EPHA3: variants seen among roughly 807,000 people sequenced by gnomAD.
EPHA3 encodes EPH receptor A3.
Under a neutral mutation model 107.1 loss-of-function variants are expected in EPHA3, and 42 were observed. The observed-to-expected ratio is 0.39, with a 90% confidence interval of 0.31 to 0.51. The LOEUF (loss-of-function observed/expected upper bound fraction) is 0.51, where lower values mean the gene tolerates loss of function less well. Among genes scored for constraint, EPHA3 ranks in the 20% least tolerant of loss-of-function variants. The probability of loss-of-function intolerance (pLI) is 0.78; values close to 1 mark genes in which losing one functional copy is unlikely to be tolerated. For missense variants in EPHA3, 1,183 were observed against 1,211.2 expected, an observed-to-expected ratio of 0.98 and a Z score of 0.35; for synonymous variants, 461 against 424.8, an observed-to-expected ratio of 1.09 and a Z score of -1.05.
At chr3:89,139,597 T>C (rs1381000398) in intron 2 of EPHA3, among the ~76,000 whole-genome samples, 1 of 151,858 alleles carries the variant, frequency 6.6e-6, no homozygotes, top group East Asian at 1.9e-4. Context: ...AGCAAAATTT[T>C]ACTTTATTTA....
intron 2 of EPHA3, among the ~76,000 whole-genome samples, chr3:89,130,989 G>C (rs1031031232): frequency 1.2e-4 from 18 of 152,128 alleles, no homozygotes; most frequent in Admixed American, 1.3e-4. Context: ...CTTGTAGGGA[G>C]ATATGATACT....
intron 2 of EPHA3, among the ~76,000 whole-genome samples, chr3:89,173,864 AC>A (rs1705260509): frequency 6.6e-6 from 1 of 152,034 alleles, no homozygotes; most frequent in Non-Finnish European, 1.5e-5. Flanking sequence ...GATCCCTTCA[AC>A]ATTGGCTATT....
intron 2 of EPHA3, among the ~76,000 whole-genome samples, chr3:89,144,405 A>T (rs1296224708): frequency 6.6e-6 from 1 of 151,800 alleles, no homozygotes; most frequent in Non-Finnish European, 1.5e-5. Flanking sequence ...AGTTCTACAC[A>T]TGCCATTTTG....
chr3:89,401,562 G>A (rs1708963682), intron 7 of EPHA3, among the ~76,000 whole-genome samples: 2 of 152,124 alleles, frequency 1.3e-5, no homozygotes, highest in Admixed American at 1.3e-4. Flanking sequence ...TAAGTGGTAC[G>A]AAGAAAGTTT....
At chr3:89,153,178 G>T (rs116296296) in intron 2 of EPHA3, among the ~76,000 whole-genome samples, 1 of 152,046 alleles carries the variant, frequency 6.6e-6, no homozygotes, top group Non-Finnish European at 1.5e-5. Flanking sequence ...AAAGGAAAAG[G>T]CACTTAAATC....
rs540619338 is a variant in EPHA3 at position 89,179,192 on chromosome 3, A to G, written c.154-30668A>G. Among the ~76,000 whole-genome samples, 4 of 152,162 alleles carry G rather than the reference A, an allele frequency of 2.6e-5. No individual in the cohort carries two copies. In the South Asian group the frequency reaches 6.2e-4, roughly 24 times the overall value. The stretch of plus-strand genomic sequence containing the variant: ...CCAATGATTCAAGTATTGTGAAATT[A>G]TATTTGAGATGGAATTTATTTGGAA... On this transcript the variant is annotated intron_variant, in intron 2 of 16. Transcript: ENST00000336596.
intron 12 of EPHA3, among the ~76,000 whole-genome samples, chr3:89,430,477 CA>C (rs772034278): frequency 2.0e-5 from 3 of 151,924 alleles, no homozygotes; most frequent in Non-Finnish European, 4.4e-5. Context: ...AATATTCTTT[CA>C]AAATTATCGT....
In EPHA3 at chr3:89,348,236, A is replaced by T. The variant is rs1480148814; in HGVS notation, c.1306+6146A>T. On this transcript the variant is annotated intron_variant, in intron 5 of 16. Transcript: ENST00000336596. ...TCTGGTAGAATTCGGCTGTGAATCC[A>T]TCTGGTCCTGGACTCTTTTTGGTTG... Among the ~76,000 whole-genome samples, 380 of 130,396 alleles carry T rather than the reference A, an allele frequency of 2.9e-3. 3 individuals are homozygous for T. Among genetic ancestry groups the T allele is most frequent in the African/African-American group, 0.01 (358 of 34,532 alleles). 85.5% of individuals were successfully genotyped at this position (130,396 alleles called of 152,430 possible).
chr3:89,224,840 C>T (rs2107213655), intron 3 of EPHA3, among the ~76,000 whole-genome samples: 1 of 151,716 alleles, frequency 6.6e-6, no homozygotes, highest in Non-Finnish European at 1.5e-5. Flanking sequence ...CAGAGCAAGA[C>T]TCTGTCTCAA....
At chr3:89,194,033 T>C (rs1195245917) in intron 2 of EPHA3, among the ~76,000 whole-genome samples, 1 of 152,064 alleles carries the variant, frequency 6.6e-6, no homozygotes, top group Non-Finnish European at 1.5e-5. Flanking sequence ...AAACATATGA[T>C]AATTTTCAAA....
At chr3:89,210,963 C>A (rs1704062343) in intron 3 of EPHA3, among the ~76,000 whole-genome samples, 1 of 152,018 alleles carries the variant, frequency 6.6e-6, no homozygotes, top group African/African-American at 2.4e-5. Flanking sequence ...TACTTCATTG[C>A]TATAAAGTAC....
At chr3:89,437,558 C>T (rs1215517660) in intron 13 of EPHA3, among the ~76,000 whole-genome samples, 1 of 152,156 alleles carries the variant, frequency 6.6e-6, no homozygotes, top group Non-Finnish European at 1.5e-5. Context: ...AATCATGACA[C>T]TATTGTAGAA....
chr3:89,354,178 T>C (rs1375886192), intron 5 of EPHA3, among the ~76,000 whole-genome samples: 2 of 151,240 alleles, frequency 1.3e-5, no homozygotes, highest in Non-Finnish European at 3.0e-5. Context: ...TAAAATCATA[T>C]TTTATACTTT....
chr3:89,429,274 A>C (rs2107534863), intron 12 of EPHA3, 107 bp downstream of exon 12: 2 of 811,436 alleles, frequency 2.5e-6, no homozygotes, highest in Middle Eastern at 2.5e-4. Flanking sequence ...TTTAAAGTAA[A>C]ACTGAAATCT....
intron 5 of EPHA3, among the ~76,000 whole-genome samples, chr3:89,351,796 C>T (rs183635484): frequency 6.6e-6 from 1 of 150,938 alleles, no homozygotes; most frequent in East Asian, 1.9e-4. Context: ...CACTCATATC[C>T]AAATGGCAAA....
At chr3:89,423,150 A>G (rs1232893843) in intron 11 of EPHA3, among the ~76,000 whole-genome samples, 6 of 151,518 alleles carry the variant, frequency 4.0e-5, no homozygotes, top group Non-Finnish European at 1.5e-5. Flanking sequence ...GGATGAGATT[A>G]ATGTATTTTG....
At chr3:89,265,113 C>G in intron 3 of EPHA3, among the ~76,000 whole-genome samples, 1 of 152,098 alleles carries the variant, frequency 6.6e-6, no homozygotes, top group Non-Finnish European at 1.5e-5. Flanking sequence ...TAGAGAGACT[C>G]TCCCATAGGT....
chr3:89,250,303 T>G (rs183083045), intron 3 of EPHA3, among the ~76,000 whole-genome samples: 1 of 152,342 alleles, frequency 6.6e-6, no homozygotes, highest in African/African-American at 2.4e-5. Context: ...AATATGCCTA[T>G]GCATTTACTC....
At chr3:89,265,314 A>G (rs1448415449) in intron 3 of EPHA3, among the ~76,000 whole-genome samples, 1 of 152,192 alleles carries the variant, frequency 6.6e-6, no homozygotes, top group Non-Finnish European at 1.5e-5. Context: ...TGACCACATA[A>G]TTTTGGGAAA....
Sources: allele counts gnomAD v4.1 joint callset (sites outside exome capture counted in the v4.1 genomes callset), GRCh38; gene constraint gnomAD v4.1.1; transcripts MANE v1.5; gene names NCBI Gene and HGNC (gene_info 2026-07-23, HGNC 2026-07-21).